UMODL1: variants seen among roughly 807,000 people sequenced by gnomAD.
UMODL1 encodes uromodulin-like 1.
A neutral mutation model predicts 136.3 loss-of-function variants in UMODL1; 128 were observed. The ratio of observed to expected loss-of-function variants is 0.94; its 90% CI spans 0.81 to 1.09. The LOEUF is 1.09. Ranked by LOEUF, UMODL1 falls within the 50% of genes least tolerant of loss-of-function variation. The probability of loss-of-function intolerance (pLI) is 0.00; values close to 1 mark genes in which losing one functional copy is unlikely to be tolerated. For synonymous variants in UMODL1, 721 were observed against 720.0 expected (o/e 1.00, Z -0.02); for missense variants, 1,766 against 1,725.6 (o/e 1.02, Z -0.41).
In UMODL1 at chr21:42,109,093, G is replaced by T. The variant is rs1388639183; in HGVS notation, c.1520-469G>T. On this transcript the variant is annotated intron_variant, in intron 9 of 22. Coordinates refer to ENST00000408910, the MANE Select transcript of UMODL1 (RefSeq NM_001004416.3). ...TATACTCCGCTGGACCCCCACCCCC[G>T]GCGTGGAAAGCTGGTGTTATACTCC... 3.7e-5 allele frequency among the ~76,000 whole-genome samples: 2 copies of T among 54,228 alleles called. 1 individual carries two copies. Among genetic ancestry groups the T allele is most frequent in the African/African-American group, 1.6e-4 (2 of 12,462 alleles). 35.6% of individuals were successfully genotyped at this position (54,228 alleles called of 152,430 possible). A position where few individuals can be genotyped will look rare whatever the true frequency, so the allele number is the denominator to read the frequency against.
intron 4 of UMODL1, 71 bp from the exon 5 acceptor site, chr21:42,088,222 CG>C: frequency 6.6e-7 from 1 of 1,520,150 alleles, no homozygotes. Context: ...TTCAGCTCTG[CG>C]GGCCTCAGTC....
intron 15 of UMODL1, among the ~76,000 whole-genome samples, chr21:42,119,778 T>C (rs1216254989): frequency 6.6e-6 from 1 of 152,254 alleles, no homozygotes; most frequent in Non-Finnish European, 1.5e-5. Context: ...TATAGTTACA[T>C]GTATCAGAAA....
At chr21:42,125,453 C>T (rs569336671) in intron 17 of UMODL1, among the ~76,000 whole-genome samples, 15 of 152,306 alleles carry the variant, frequency 9.8e-5, no homozygotes, top group South Asian at 2.1e-4. Flanking sequence ...TCCGCCCCCT[C>T]GGGGGCTCTT....
In UMODL1 at chr21:42,115,958, A is replaced by C. The variant is rs778239759; in HGVS notation, c.2448A>C (p.Arg816=). 26 of 1,613,730 alleles carry C rather than the reference A, an allele frequency of 1.6e-5. No homozygotes were observed. Among genetic ancestry groups the C allele is most frequent in the Non-Finnish European group, 2.1e-5 (25 of 1,179,886 alleles). ...SFRNASSQEY[R]DFLELFFRMV... is the part of the protein sequence containing the mutation. ...GCAACGCAAGCAGCCAGGAGTATCG[A>C]GATTTCCTAGAACTATTCTTCAGGA... Residue 816 remains arginine, a synonymous_variant, in exon 14 of 23, where the codon CGA becomes CGC. Transcript: ENST00000408910.
chr21:42,063,161 TA>T (rs2066155519), exon 1 of UMODL1: 1 of 152,294 alleles, frequency 6.6e-6, no homozygotes, highest in South Asian at 2.1e-4. Context: ...AGGTTCACCT[TA>T]AATCCAGGAT....
chr21:42,107,240 C>T (rs575254572), intron 9 of UMODL1, among the ~76,000 whole-genome samples: 3 of 152,320 alleles, frequency 2.0e-5, no homozygotes, highest in East Asian at 1.9e-4. Flanking sequence ...TATGAGGCAC[C>T]GCTGTGAACC....
At chr21:42,090,967 T>A (rs1238254197) in intron 6 of UMODL1, among the ~76,000 whole-genome samples, 2 of 152,238 alleles carry the variant, frequency 1.3e-5, no homozygotes, top group Non-Finnish European at 2.9e-5. Context: ...GCCGTTTTTT[T>A]CTTCGAAACG....
At chr21:42,112,414 G>A (rs1469165557) in intron 12 of UMODL1, among the ~76,000 whole-genome samples, 1 of 149,294 alleles carries the variant, frequency 6.7e-6, no homozygotes, top group Non-Finnish European at 1.5e-5. Context: ...CAGTTCTTCT[G>A]CACCCCCAGC....
At chr21:42,068,683 T>G (rs1306896211), upstream of UMODL1, among the ~76,000 whole-genome samples, 1 of 152,164 alleles carries the variant, frequency 6.6e-6, no homozygotes, top group African/African-American at 2.4e-5. The surrounding 1 kb of genome is among the most constrained non-coding windows in gnomAD (Gnocchi z 5.5). Context: ...CATGTGTTAG[T>G]GTGGGCATGT....
chr21:42,118,849 C>T lies in UMODL1; in HGVS notation c.2476-262C>T, dbSNP rs560915857. Among the ~76,000 whole-genome samples, 5 of 150,320 alleles carry T rather than the reference C, an allele frequency of 3.3e-5. No individual in the cohort carries two copies. In the South Asian group the frequency reaches 8.7e-4, roughly 26 times the overall value. On this transcript the variant is annotated intron_variant, in intron 14 of 22. Coordinates refer to ENST00000408910, the MANE Select transcript of UMODL1 (RefSeq NM_001004416.3). ...CCTGTGCCCCCAAGTCCCACCCTCG[C>T]CCCACAGGCATCTTTCTGAAGCCGT... is the stretch of plus-strand genomic sequence containing the variant.
chr21:42,131,108 C>T (rs369387411), intron 21 of UMODL1, among the ~76,000 whole-genome samples: 3 of 152,154 alleles, frequency 2.0e-5, no homozygotes, highest in Non-Finnish European at 4.4e-5. Flanking sequence ...CCACTGCTCC[C>T]GGACTGACTC....
chr21:42,129,513 C>T (rs748838775), intron 20 of UMODL1, among the ~76,000 whole-genome samples, 200 bp from the exon 21 acceptor site: 4 of 152,156 alleles, frequency 2.6e-5, no homozygotes, highest in Admixed American at 6.5e-5. Flanking sequence ...GACGCCTGGG[C>T]CTGCCTCTTG....
At chr21:42,110,802 G>A (rs2066810167) in intron 10 of UMODL1, 78 bp from the exon 11 acceptor site, 25 of 1,367,378 alleles carry the variant, frequency 1.8e-5, no homozygotes, top group South Asian at 7.1e-5. Flanking sequence ...CCTGCTGGAC[G>A]GCCATGCTGC....
At chr21:42,086,433 T>C (rs2066427558) in intron 4 of UMODL1, 1 of 438,188 alleles carries the variant, frequency 2.3e-6, no homozygotes, top group Admixed American at 2.4e-5. Flanking sequence ...GCACACCTCA[T>C]GTTGTTCTGG....
At chr21:42,066,673 A>G (rs564390339), upstream of UMODL1, among the ~76,000 whole-genome samples, 5 of 152,338 alleles carry the variant, frequency 3.3e-5, no homozygotes, top group South Asian at 8.3e-4. Flanking sequence ...GATACAGACA[A>G]TTAACAAACA....
chr21:42,070,837 A>C (rs1230234762), upstream of UMODL1, among the ~76,000 whole-genome samples: 1 of 152,256 alleles, frequency 6.6e-6, no homozygotes, highest in Non-Finnish European at 1.5e-5. Context: ...TTTGAAGTGC[A>C]TTGTGGAACC....
At chr21:42,097,683 T>A (rs1295119226) in intron 6 of UMODL1, among the ~76,000 whole-genome samples, 1 of 152,242 alleles carries the variant, frequency 6.6e-6, no homozygotes, top group Admixed American at 6.5e-5. Flanking sequence ...TTGCAAAATA[T>A]ATTTTTAAAA....
intron 8 of UMODL1, 47 bp from the exon 9 acceptor site, chr21:42,103,821 G>T (rs2066671736): frequency 6.2e-7 from 1 of 1,607,364 alleles, no homozygotes; most frequent in Non-Finnish European, 8.5e-7. Context: ...CTGCTTAATG[G>T]TCGTGAAGAC....
At position 42,078,022 on chromosome 21, in the gene UMODL1, CAGAGGGCCAGGCAGAG is replaced by C. The variant is rs2066315737; in HGVS notation, c.319+1784_319+1799del. On this transcript the variant is annotated intron_variant, in intron 2 of 22. Transcript: ENST00000408910. The stretch of plus-strand genomic sequence containing the variant: ...GTTGATGCGTTTCTGTTGCCCCGTT[CAGAGGGCCAGGCAGAG>C]AGAGGGCCTGATGGTTTCGGGTGTG... 5.3e-5 allele frequency among the ~76,000 whole-genome samples: 8 copies of C among 152,324 alleles called. No individual in the cohort carries two copies. In the South Asian group the frequency reaches 1.7e-3, roughly 32 times the overall value.
Sources: allele counts gnomAD v4.1 joint callset (sites outside exome capture counted in the v4.1 genomes callset), GRCh38; gene constraint gnomAD v4.1.1; non-coding constraint Gnocchi (gnomAD v3.1); transcripts MANE v1.5; gene names NCBI Gene and HGNC (gene_info 2026-07-23, HGNC 2026-07-21).